The following FUT9 variants were observed in gnomAD, a reference collection of about 807,000 sequenced individuals.
FUT9 encodes the protein 4-galactosyl-N-acetylglucosaminide 3-alpha-L-fucosyltransferase 9.
Under a neutral mutation model 29.7 loss-of-function variants are expected in FUT9, and 15 were observed. The ratio of observed to expected loss-of-function variants is 0.51; its 90% confidence interval spans 0.34 to 0.78. The LOEUF is 0.78. Among genes scored for constraint, FUT9 ranks in the 30% least tolerant of loss-of-function variants. FUT9 has a pLI of 0.01. For synonymous variants in FUT9, 169 were observed against 153.7 expected, an observed-to-expected ratio of 1.10 and a Z score of -0.74; for missense variants, 319 against 425.4, an observed-to-expected ratio of 0.75 and a Z score of 2.20.
At position 96,121,883 on chromosome 6, in the gene FUT9, G is replaced by A. The variant is rs1416745764; in HGVS notation, c.-9+7756G>A. ...CTATGTTGCTAAAGGGTAAAACCTA[G>A]TATATGCCTCTTGATTTTATGAGAG... On this transcript the variant is annotated intron_variant, in intron 2 of 2. Coordinates refer to ENST00000302103, the MANE Select transcript of FUT9 (RefSeq NM_006581.4). Among the ~76,000 whole-genome samples, 3 of 152,012 alleles carry A rather than the reference G, an allele frequency of 2.0e-5. No individual in the cohort carries two copies. The East Asian group carries it at 5.8e-4, about 30-fold the overall frequency.
At chr6:96,137,290 T>C (rs545168430) in intron 2 of FUT9, among the ~76,000 whole-genome samples, 54 of 152,150 alleles carry the variant, frequency 3.5e-4, no homozygotes, top group African/African-American at 1.0e-3. Flanking sequence ...ACAAAATAAA[T>C]ATTGCAGTAT....
intron 1 of FUT9, among the ~76,000 whole-genome samples, chr6:96,060,135 C>T (rs1049176129): frequency 2.0e-5 from 3 of 152,156 alleles, no homozygotes; most frequent in Admixed American, 6.6e-5. Context: ...ATTATCTAAA[C>T]ACAAGGAATG....
At chr6:96,019,304 C>T (rs1770030860) in intron 1 of FUT9, among the ~76,000 whole-genome samples, 1 of 151,956 alleles carries the variant, frequency 6.6e-6, no homozygotes, top group Admixed American at 6.5e-5. Context: ...GAGATAACCA[C>T]ATACAATATT....
intron 1 of FUT9, among the ~76,000 whole-genome samples, chr6:96,021,490 T>G (rs1340317689): frequency 2.0e-5 from 3 of 151,970 alleles, no homozygotes; most frequent in Non-Finnish European, 4.4e-5. Context: ...CACAGAGAAG[T>G]ACAAGCGGAG....
intron 2 of FUT9, among the ~76,000 whole-genome samples, chr6:96,126,460 CG>C (rs1772135760): frequency 6.6e-6 from 1 of 152,182 alleles, no homozygotes; most frequent in African/African-American, 2.4e-5. Context: ...CTTCAGGCCC[CG>C]CCTCCAACAA....
chr6:96,113,113 G>A (rs1771841597), intron 1 of FUT9, among the ~76,000 whole-genome samples: 1 of 151,902 alleles, frequency 6.6e-6, no homozygotes, highest in South Asian at 2.1e-4. Flanking sequence ...TCTGTAAATG[G>A]GAAACTTTAA....
intron 1 of FUT9, among the ~76,000 whole-genome samples, chr6:96,057,921 G>A (rs1408164680): frequency 1.3e-5 from 2 of 152,064 alleles, no homozygotes; most frequent in Non-Finnish European, 2.9e-5. Context: ...CTAAAACTCC[G>A]TCATCAAGTT....
At chr6:96,133,627 G>A (rs1316027757) in intron 2 of FUT9, among the ~76,000 whole-genome samples, 2 of 151,858 alleles carry the variant, frequency 1.3e-5, no homozygotes, top group Non-Finnish European at 2.9e-5. Flanking sequence ...ATTAAGGTGT[G>A]TAATTCATAC....
Position 96,097,692 on chromosome 6 carries a change from A to G in FUT9, c.-97-16347A>G, listed in dbSNP as rs1771524293. Among the ~76,000 whole-genome samples, 3 of 152,142 alleles carry G rather than the reference A, an allele frequency of 2.0e-5. No homozygotes were observed. In the South Asian group the frequency reaches 6.2e-4, roughly 31 times the overall value. On this transcript the variant is annotated intron_variant, in intron 1 of 2. Coordinates refer to ENST00000302103, the MANE Select transcript of FUT9 (RefSeq NM_006581.4). ...TTCAATTTCTTACTCCATGAGCTCT[A>G]TTTAGATAGAGCTCTCTGTCTTCCC... is the stretch of plus-strand genomic sequence containing the variant.
intron 1 of FUT9, among the ~76,000 whole-genome samples, chr6:96,017,103 C>T (rs1769994283): frequency 6.6e-6 from 1 of 152,216 alleles, no homozygotes; most frequent in South Asian, 2.1e-4. Flanking sequence ...AGCAACAACA[C>T]TATCAAAAGC....
intron 1 of FUT9, among the ~76,000 whole-genome samples, chr6:96,030,913 T>C (rs1377712865): frequency 6.6e-6 from 1 of 151,334 alleles, no homozygotes; most frequent in Non-Finnish European, 1.5e-5. Flanking sequence ...ATATCAGTGG[T>C]TTCGAAGGGT....
chr6:96,084,577 G>A lies in FUT9; in HGVS notation c.-97-29462G>A, dbSNP rs901596085. On this transcript the variant is annotated intron_variant, in intron 1 of 2. Transcript: ENST00000302103. ...CACACACGTTTGTGACTGACTGTGC[G>A]AATACTCAGTTATTAGCAAATTAGC... 1.2e-4 allele frequency among the ~76,000 whole-genome samples: 19 copies of A among 152,160 alleles called. 1 individual carries two copies. Among genetic ancestry groups the A allele is most frequent in the Admixed American group, 3.3e-4 (5 of 15,266 alleles).
chr6:96,177,011 T>C (rs910804159), intron 2 of FUT9, among the ~76,000 whole-genome samples: 1 of 152,172 alleles, frequency 6.6e-6, no homozygotes, highest in Non-Finnish European at 1.5e-5. Flanking sequence ...TGGAGAACTG[T>C]CTCAAGATCT....
At chr6:96,079,220 G>A (rs141072068) in intron 1 of FUT9, among the ~76,000 whole-genome samples, 232 of 152,140 alleles carry the variant, frequency 1.5e-3, no homozygotes, top group Non-Finnish European at 2.6e-3. Context: ...GCATTCCTTC[G>A]ACCAACCTTC....
chr6:96,108,176 G>A (rs1157199046), intron 1 of FUT9, among the ~76,000 whole-genome samples: 1 of 152,016 alleles, frequency 6.6e-6, no homozygotes, highest in East Asian at 1.9e-4. Context: ...TCTACCTAAT[G>A]TAAAGAGCCA....
chr6:96,151,722 G>A (rs1425499965), intron 2 of FUT9, among the ~76,000 whole-genome samples: 176 of 152,246 alleles, frequency 1.2e-3, no homozygotes, highest in Non-Finnish European at 1.6e-4. Flanking sequence ...CATGAGCTCT[G>A]AGTTTCAGCT....
At chr6:96,057,953 G>A (rs544175872) in intron 1 of FUT9, among the ~76,000 whole-genome samples, 101 of 152,236 alleles carry the variant, frequency 6.6e-4, no homozygotes, top group African/African-American at 2.4e-3. Flanking sequence ...ATGTAGACAA[G>A]CCTTCAGCCT....
At chr6:96,085,028 G>C (rs1488832894) in intron 1 of FUT9, among the ~76,000 whole-genome samples, 1 of 152,074 alleles carries the variant, frequency 6.6e-6, no homozygotes, top group Non-Finnish European at 1.5e-5. Context: ...TTCCCAGTTT[G>C]ACTATTTGAA....
intron 1 of FUT9, among the ~76,000 whole-genome samples, chr6:96,055,703 C>CT (rs760829368): frequency 4.8e-5 from 5 of 103,628 alleles, no homozygotes; most frequent in African/African-American, 1.4e-4. Context: ...TTTTCTATTT[C>CT]TTTTTCTTTT....
Sources: allele counts gnomAD v4.1 joint callset (sites outside exome capture counted in the v4.1 genomes callset), GRCh38; gene constraint gnomAD v4.1.1; transcripts MANE v1.5; gene names NCBI Gene and HGNC (gene_info 2026-07-23, HGNC 2026-07-21).